Variants in ELF1 observed in about 807,000 individuals in gnomAD.
ELF1 encodes E74 like ETS transcription factor 1.
A neutral mutation model predicts 59.9 loss-of-function variants in ELF1; 24 were observed. The observed-to-expected ratio is 0.40, with a 90% CI of 0.29 to 0.56. ELF1 has a LOEUF of 0.56. Among genes scored for constraint, ELF1 ranks in the 20% least tolerant of loss-of-function variants. The pLI is 0.44. For missense variants in ELF1, 627 were observed against 742.2 expected, an observed-to-expected ratio of 0.84 and a Z score of 1.80; for synonymous variants, 248 against 266.2, an observed-to-expected ratio of 0.93 and a Z score of 0.67.
At chr13:40,977,686 A>G (rs1872997257) in intron 2 of ELF1, among the ~76,000 whole-genome samples, 1 of 152,224 alleles carries the variant, frequency 6.6e-6, no homozygotes, top group African/African-American at 2.4e-5. Context: ...TTTAACTTTA[A>G]AAAGTTAAAA....
rs1408273256 is a variant in ELF1 at position 40,993,151 on chromosome 13, C to G, written c.-228-10869G>C. ...CATTCCTCTAGGACCTGGATACTCTCCATTTTTGTAGTGTGTGTGGTTCTT... is the reference window on the plus strand; with the variant it reads ...CATTCCTCTAGGACCTGGATACTCTGCATTTTTGTAGTGTGTGTGGTTCTT... On this transcript the variant is annotated intron_variant, in intron 1 of 8. Transcript: ENST00000239882. 1.2e-5 allele frequency: 19 copies of G among 1,532,394 alleles called. No homozygotes were observed. The East Asian group carries it at 4.1e-4, about 33-fold the overall frequency. 94.9% of individuals were successfully genotyped at this position (1,532,394 alleles called of 1,614,324 possible).
chr13:40,936,953 C>CA (rs200927120), intron 8 of ELF1, among the ~76,000 whole-genome samples: 9 of 149,868 alleles, frequency 6.0e-5, no homozygotes, highest in Non-Finnish European at 1.0e-4. Flanking sequence ...GACTCAGTCT[C>CA]AAAAAAAAAG....
chr13:40,940,326 CTCAG>C (rs1422213295), intron 8 of ELF1, among the ~76,000 whole-genome samples: 59 of 145,060 alleles, frequency 4.1e-4, no homozygotes, highest in East Asian at 2.2e-4. Context: ...GACAGATCCT[CTCAG>C]TCAATTTGTT....
chr13:41,026,842 C>T (rs1206637518), intron 1 of ELF1, among the ~76,000 whole-genome samples: 1 of 152,178 alleles, frequency 6.6e-6, no homozygotes, highest in Admixed American at 6.5e-5. Flanking sequence ...CATGAAATGG[C>T]CCAAATGCCC....
chr13:40,966,937 G>C (rs148454828), intron 2 of ELF1, among the ~76,000 whole-genome samples: 448 of 152,266 alleles, frequency 2.9e-3, no homozygotes, highest in African/African-American at 0.01. Context: ...CAACATCTTT[G>C]CATCAAGGCA....
At position 40,933,075 on chromosome 13, in the gene ELF1, C is replaced by G. The variant is rs1159960720; in HGVS notation, c.*350G>C. The G allele has an allele frequency of 5.3e-6, 1 of 189,936 alleles. No homozygotes were observed. Among genetic ancestry groups the G allele is most frequent in the Non-Finnish European group, 1.1e-5 (1 of 93,134 alleles). 11.8% of individuals were successfully genotyped at this position (189,936 alleles called of 1,614,324 possible). ...TAGTTCCTATATAAATTTCCTGTTG[C>G]CTTCTATTTAAGTTCTGTATTTACA... On this transcript the variant is annotated 3_prime_UTR_variant, in exon 9 of 9. Transcript: ENST00000239882.
At position 40,958,868 on chromosome 13, in the gene ELF1, A is replaced by G. The variant is rs756590327; in HGVS notation, c.221T>C (p.Ile74Thr). Residue 74 changes from isoleucine to threonine, a missense_variant, in exon 3 of 9, where the codon ATA (isoleucine) becomes ACA (threonine). Ile to Thr is a moderately conservative substitution (Grantham distance 89). This residue lies in a region of ELF1 where 232 missense variants were observed against 269.2 expected (regional missense o/e 0.86). Coordinates refer to ENST00000239882, the MANE Select transcript of ELF1 (RefSeq NM_172373.4). ...GGTGATGTCATCATCATCATCGTCT[A>G]TGATTTCTTCTTCAGCAACATCCAG... Reference protein sequence around the residue: ...SSLDVAEEEIIDDDDDDITLT... With the variant: ...SSLDVAEEEITDDDDDDITLT... 5.0e-6 allele frequency: 8 copies of G among 1,613,310 alleles called. No homozygotes were observed. The African/African-American group carries it at 9.3e-5, about 19-fold the overall frequency.
intron 5 of ELF1, among the ~76,000 whole-genome samples, chr13:40,946,504 TCAAA>T (rs1339571953): frequency 2.0e-5 from 3 of 152,154 alleles, no homozygotes; most frequent in African/African-American, 7.2e-5. Flanking sequence ...AAACTGACCC[TCAAA>T]CAAAACACAG....
intron 1 of ELF1, among the ~76,000 whole-genome samples, chr13:40,998,712 A>G (rs1874253815): frequency 6.6e-6 from 1 of 152,200 alleles, no homozygotes; most frequent in African/African-American, 2.4e-5. Flanking sequence ...TTCTCAATCA[A>G]TTTTTAAATC....
chr13:40,955,002 G>C (rs954812053), intron 3 of ELF1, among the ~76,000 whole-genome samples: 8 of 149,950 alleles, frequency 5.3e-5, no homozygotes, highest in Admixed American at 3.3e-4. Flanking sequence ...TAGGAAGTGA[G>C]GAGCGTCTCT....
intron 3 of ELF1, among the ~76,000 whole-genome samples, chr13:40,955,702 C>T (rs1871311913): frequency 7.7e-6 from 1 of 130,398 alleles, no homozygotes; most frequent in Non-Finnish European, 1.7e-5. Flanking sequence ...GCCTGGCCAG[C>T]CGCCCCATCC....
At chr13:40,979,410 C>T (rs2138263651) in intron 2 of ELF1, among the ~76,000 whole-genome samples, 1 of 152,170 alleles carries the variant, frequency 6.6e-6, no homozygotes, top group Non-Finnish European at 1.5e-5. Flanking sequence ...AGTAACTTGC[C>T]CAAAGTCACA....
intron 1 of ELF1, among the ~76,000 whole-genome samples, chr13:41,027,235 A>G (rs1298381899): frequency 6.6e-6 from 1 of 152,224 alleles, no homozygotes; most frequent in East Asian, 1.9e-4. Context: ...GGCAGAACAG[A>G]TCTCTCCTAA....
chr13:40,943,912 T>C lies in ELF1; in HGVS notation c.543A>G (p.Lys181=). 1 of 1,613,652 alleles carries C rather than the reference T, an allele frequency of 6.2e-7. No homozygotes were observed. The highest frequency in any genetic ancestry group is 8.5e-7 in the Non-Finnish European group (1 of 1,179,744). ...QPKRKKGRKT[K]PPRPDSPATT... The stretch of plus-strand genomic sequence containing the variant: ...TGGCTGGGGAATCTGGTCGTGGTGG[T>C]TTAGTTTTTCTTCCTGAAATAAAAA... The change falls in exon 6 of 9, where the codon AAA becomes AAG. Residue 181 remains lysine (K), a synonymous_variant. Coordinates refer to ENST00000239882, the MANE Select transcript of ELF1 (RefSeq NM_172373.4).
chr13:41,036,233 T>A (rs1876377729), intron 1 of ELF1, among the ~76,000 whole-genome samples: 1 of 152,106 alleles, frequency 6.6e-6, no homozygotes, highest in Non-Finnish European at 1.5e-5. Context: ...AATTTTTTTC[T>A]AATTAGAAGC....
At chr13:41,001,890 A>G (rs574467659) in intron 1 of ELF1, among the ~76,000 whole-genome samples, 2 of 152,178 alleles carry the variant, frequency 1.3e-5, no homozygotes, top group South Asian at 4.1e-4. Context: ...AAAAATGGGG[A>G]TTGTCAGGCA....
chr13:40,938,401 A>AG lies in ELF1; in HGVS notation c.1256+2519dup, dbSNP rs1272760921. Among the ~76,000 whole-genome samples, 3 of 152,256 alleles carry AG rather than the reference A, an allele frequency of 2.0e-5. No homozygotes were observed. The East Asian group carries it at 5.8e-4, about 29-fold the overall frequency. On this transcript the variant is annotated intron_variant, in intron 8 of 8. Coordinates refer to ENST00000239882, the MANE Select transcript of ELF1 (RefSeq NM_172373.4). Reference sequence around the variant, plus strand: ...CAATCACATGAAATAAAAAGAAATGAGTGAAGGACAAAATTAAGATGTTGC... The same window carrying AG: ...CAATCACATGAAATAAAAAGAAATGAGGTGAAGGACAAAATTAAGATGTTGC...
chr13:41,031,646 C>T (rs1876164892), intron 1 of ELF1, among the ~76,000 whole-genome samples: 1 of 151,512 alleles, frequency 6.6e-6, no homozygotes, highest in Middle Eastern at 3.4e-3. Context: ...GGTGAAACCC[C>T]GTCTTTACTA....
chr13:41,036,619 A>G (rs1011539759), intron 1 of ELF1, among the ~76,000 whole-genome samples: 7 of 152,346 alleles, frequency 4.6e-5, no homozygotes, highest in Admixed American at 4.6e-4. Context: ...TACCCAAAGG[A>G]TTATAAATCA....
Sources: gnomAD v4.1 joint callset for allele counts (sites outside exome capture counted in the v4.1 genomes callset) on GRCh38, gnomAD v4.1.1 for gene constraint, gnomAD v4.1.1 regional missense constraint, MANE v1.5 for transcripts, NCBI Gene and HGNC (gene_info 2026-07-23, HGNC 2026-07-21) for gene names.